The following GABPB1 variants were observed in gnomAD, a reference collection of about 807,000 sequenced individuals.
GABPB1 encodes GA binding protein transcription factor subunit beta 1, also known as GA-binding protein subunit beta-1.
A neutral mutation model predicts 45.9 loss-of-function variants in GABPB1; 15 were observed. The observed-to-expected ratio is 0.33, with a 90% CI of 0.22 to 0.50. The LOEUF (loss-of-function observed/expected upper bound fraction) is 0.50. Among genes scored for constraint, GABPB1 ranks in the 20% least tolerant of loss-of-function variants. The probability of loss-of-function intolerance (pLI) is 0.98; values close to 1 mark genes in which losing one functional copy is unlikely to be tolerated. For missense variants in GABPB1, 252 were observed against 457.5 expected, an observed-to-expected ratio of 0.55 and a Z score of 4.10; for synonymous variants, 143 against 154.4, an observed-to-expected ratio of 0.93 and a Z score of 0.55.
chr15:50,295,630 A>G (rs915552335), intron 6 of GABPB1, among the ~76,000 whole-genome samples: 123 of 152,168 alleles, frequency 8.1e-4, no homozygotes, highest in African/African-American at 2.9e-3. Context: ...AAAAAAAAAA[A>G]AAGCTTTCAC....
intron 2 of GABPB1, among the ~76,000 whole-genome samples, chr15:50,304,752 G>A (rs2046882670): frequency 1.3e-5 from 2 of 151,216 alleles, no homozygotes; most frequent in Admixed American, 6.6e-5. Flanking sequence ...TAGAGTTTGA[G>A]AAATTTTTCT....
chr15:50,276,076 G>C lies in GABPB1; in HGVS notation c.*2556C>G, dbSNP rs2045835317. On this transcript the variant is annotated 3_prime_UTR_variant, in exon 9 of 9. Transcript: ENST00000380877. The stretch of plus-strand genomic sequence containing the variant: ...ATAACACTAAATGGCTTGTCTTGCA[G>C]AACCCTGGTTGAGAAAGGTTGCTCC... 1 of 152,220 alleles carries C rather than the reference G, an allele frequency of 6.6e-6. No individual in the cohort carries two copies. The highest frequency in any genetic ancestry group is 1.5e-5 in the Non-Finnish European group (1 of 68,040). The allele number at this position is 152,220 out of a possible 1,614,324, so 9.4% of individuals were successfully genotyped here.
chr15:50,317,025 T>A (rs1389811141), intron 1 of GABPB1, among the ~76,000 whole-genome samples: 2 of 151,868 alleles, frequency 1.3e-5, no homozygotes, highest in African/African-American at 4.8e-5. Context: ...ATATATTCAT[T>A]TGAAAATATT....
In GABPB1 at chr15:50,346,879, C is replaced by G. The variant is rs184967078; in HGVS notation, c.-1+8106G>C. ...CTCGGCTCACTGCAACCTCCGCCCC[C>G]CCCAGGTTCAAGCGATTCTCCTGCC... On this transcript the variant is annotated intron_variant, in intron 1 of 8. Transcript: ENST00000380877. Among the ~76,000 whole-genome samples the G allele has an allele frequency of 6.7e-3, 1,013 of 151,632 alleles. 3 individuals carry two copies. Among genetic ancestry groups the G allele is most frequent in the Middle Eastern group, 0.02 (6 of 294 alleles).
intron 1 of GABPB1, among the ~76,000 whole-genome samples, chr15:50,323,021 C>A (rs2047629809): frequency 6.6e-6 from 1 of 152,096 alleles, no homozygotes; most frequent in Non-Finnish European, 1.5e-5. Flanking sequence ...AGGAGTGAGA[C>A]CCTGTCTCCA....
Position 50,278,784 on chromosome 15 carries a change from C to G in GABPB1, c.1000G>C (p.Glu334Gln). 1 of 1,578,010 alleles carries G rather than the reference C, an allele frequency of 6.3e-7. No homozygotes were observed. Among genetic ancestry groups the G allele is most frequent in the Non-Finnish European group, 8.5e-7 (1 of 1,170,428 alleles). Residue 334 changes from glutamate (E) to glutamine (Q), a missense_variant and splice_region_variant, in exon 9 of 9, where the codon GAG becomes CAG. By Grantham distance (29) the Glu-to-Gln change is conservative. Transcript: ENST00000380877. ...ENRVESAEIE[E>Q]REALQKQLDE... is the part of the protein sequence containing the mutation. ...AGCTGTTTCTGAAGAGCTTCTCTCT[C>G]CTAATTAAAAGAAGAGGGTTTTTTT...
chr15:50,278,802 GTT>G lies in GABPB1; in HGVS notation c.1000-20_1000-19del, dbSNP rs11372405. The G allele has an allele frequency of 1.5e-6, 2 of 1,364,960 alleles. No homozygotes were observed. The highest frequency in any genetic ancestry group is 4.9e-5 in the Admixed American group (2 of 40,716). 84.6% of individuals were successfully genotyped at this position (1,364,960 alleles called of 1,614,324 possible). A position where few individuals can be genotyped will look rare whatever the true frequency, so the allele number is the denominator to read the frequency against. On this transcript the variant is annotated intron_variant, in intron 8 of 8. Coordinates refer to ENST00000380877, the MANE Select transcript of GABPB1 (RefSeq NM_016654.5). The stretch of plus-strand genomic sequence containing the variant: ...TCTCTCTCCTAATTAAAAGAAGAGG[GTT>G]TTTTTTTTAATTTTTGCAAAAATAC...
rs367702829 is a variant in GABPB1 at position 50,304,144 on chromosome 15, GAAA to G, written c.109-14_109-12del. On this transcript the variant is annotated splice_polypyrimidine_tract_variant and intron_variant, in intron 2 of 8. Transcript: ENST00000380877. Reference sequence around the variant, plus strand: ...TGGAGAAGTTCCCAGCTGTACCACAGAAAAAAAAAAAAATCCACATTTACATTA... The same window carrying G: ...TGGAGAAGTTCCCAGCTGTACCACAGAAAAAAAAAATCCACATTTACATTA... 1.4e-5 allele frequency: 17 copies of G among 1,206,136 alleles called. No homozygotes were observed. The highest frequency in any genetic ancestry group is 5.6e-5 in the Admixed American group (2 of 35,732). The allele number at this position is 1,206,136 out of a possible 1,614,324, so 74.7% of individuals were successfully genotyped here.
intron 1 of GABPB1, among the ~76,000 whole-genome samples, chr15:50,346,002 C>T (rs891465495): frequency 1.3e-5 from 2 of 152,212 alleles, no homozygotes; most frequent in South Asian, 2.1e-4. Flanking sequence ...TGAGCCACCA[C>T]GCCCGGTGAG....
intron 7 of GABPB1, 23 bp from the exon 8 acceptor site, chr15:50,286,206 T>C (rs1339528422): frequency 2.1e-6 from 3 of 1,434,114 alleles, no homozygotes; most frequent in Non-Finnish European, 2.8e-6. Flanking sequence ...AAAAATTATG[T>C]ATTACTTCAT....
chr15:50,318,279 G>C (rs1304901942), intron 1 of GABPB1, among the ~76,000 whole-genome samples: 1 of 152,108 alleles, frequency 6.6e-6, no homozygotes, highest in Non-Finnish European at 1.5e-5. Flanking sequence ...GGAATCTGCT[G>C]GGATATAAAG....
intron 1 of GABPB1, among the ~76,000 whole-genome samples, chr15:50,322,504 C>A (rs1175167324): frequency 6.6e-6 from 1 of 151,912 alleles, no homozygotes; most frequent in Non-Finnish European, 1.5e-5. Flanking sequence ...CAAGATTGCG[C>A]CACTGCACTC....
At chr15:50,320,110 A>T (rs1467028200) in intron 1 of GABPB1, among the ~76,000 whole-genome samples, 1 of 152,210 alleles carries the variant, frequency 6.6e-6, no homozygotes, top group Non-Finnish European at 1.5e-5. Flanking sequence ...CAAAAAGGGG[A>T]TCATACTAAA....
intron 8 of GABPB1, among the ~76,000 whole-genome samples, chr15:50,279,907 T>C (rs962336087): frequency 3.9e-5 from 6 of 152,176 alleles, no homozygotes; most frequent in Non-Finnish European, 7.3e-5. Context: ...TATCCTATTA[T>C]GTATATCCTC....
At chr15:50,304,727 A>G (rs1008997087) in intron 2 of GABPB1, among the ~76,000 whole-genome samples, 10 of 152,132 alleles carry the variant, frequency 6.6e-5, no homozygotes, top group African/African-American at 1.7e-4. Context: ...AAAAAAAAAA[A>G]AAAGAAATCA....
chr15:50,313,547 A>G (rs2047203349), intron 1 of GABPB1, among the ~76,000 whole-genome samples: 1 of 152,116 alleles, frequency 6.6e-6, no homozygotes, highest in African/African-American at 2.4e-5. Context: ...TAAAGATTAT[A>G]TATGCATACA....
intron 8 of GABPB1, among the ~76,000 whole-genome samples, chr15:50,279,032 G>A (rs2045896723): frequency 6.6e-6 from 1 of 152,012 alleles, no homozygotes; most frequent in African/African-American, 2.4e-5. Flanking sequence ...TTAGAAATAA[G>A]ACTAACAGAA....
At chr15:50,307,219 C>A (rs770733946) in intron 2 of GABPB1, among the ~76,000 whole-genome samples, 54 of 152,136 alleles carry the variant, frequency 3.5e-4, no homozygotes, top group Non-Finnish European at 6.2e-4. Context: ...CCTCACCAAG[C>A]CTTGGTACTG....
At chr15:50,290,359 G>A (rs2140988798) in intron 6 of GABPB1, among the ~76,000 whole-genome samples, 1 of 152,304 alleles carries the variant, frequency 6.6e-6, no homozygotes, top group Non-Finnish European at 1.5e-5. Flanking sequence ...GAGAGGCTGA[G>A]GCGGGAGGAT....
Sources: allele counts gnomAD v4.1 joint callset (sites outside exome capture counted in the v4.1 genomes callset), GRCh38; gene constraint gnomAD v4.1.1; transcripts MANE v1.5; gene names NCBI Gene and HGNC (gene_info 2026-07-23, HGNC 2026-07-21).